CNDP1: variants seen among roughly 807,000 people sequenced by gnomAD.
CNDP1 encodes carnosine dipeptidase 1.
CNDP1 carries 44 observed loss-of-function variants against 58.1 expected under a neutral mutation model. That is an observed-to-expected ratio of 0.76 (90% CI 0.60 to 0.97). The LOEUF (loss-of-function observed/expected upper bound fraction) is 0.97. CNDP1 is among the 50% of genes least tolerant of loss of function. The pLI is 0.00. For missense variants in CNDP1, 616 were observed against 655.1 expected, an observed-to-expected ratio of 0.94 and a Z score of 0.65; for synonymous variants, 254 against 252.6, an observed-to-expected ratio of 1.01 and a Z score of -0.05.
Position 74,579,489 on chromosome 18 carries a change from C to T in CNDP1, c.1168-641C>T, listed in dbSNP as rs1599103275. Among the ~76,000 whole-genome samples the T allele has an allele frequency of 2.0e-5, 3 of 151,922 alleles. No homozygotes were observed. In the South Asian group the frequency reaches 6.2e-4, roughly 32 times the overall value. ...TCCTTGTCTTGTTCACAGCTGTATC[C>T]GCAGCACCTAGAACAGTCTCTGGGA... On this transcript the variant is annotated intron_variant, in intron 9 of 11. Coordinates refer to ENST00000358821, the MANE Select transcript of CNDP1 (RefSeq NM_032649.6).
At chr18:74,567,948 G>A (rs1335937863) in intron 6 of CNDP1, among the ~76,000 whole-genome samples, 1 of 152,154 alleles carries the variant, frequency 6.6e-6, no homozygotes, top group African/African-American at 2.4e-5. Flanking sequence ...TTCACCTTGA[G>A]CCTTGGTTTC....
chr18:74,538,429 ATTTG>A (rs1442067512), intron 1 of CNDP1, among the ~76,000 whole-genome samples: 1 of 152,140 alleles, frequency 6.6e-6, no homozygotes, highest in Admixed American at 6.5e-5. Flanking sequence ...GTATTTATCC[ATTTG>A]TTTGTTGGTG....
chr18:74,552,448 A>C (rs1310943318), intron 1 of CNDP1, among the ~76,000 whole-genome samples: 1 of 152,106 alleles, frequency 6.6e-6, no homozygotes, highest in Admixed American at 6.5e-5. Flanking sequence ...CTGGGTAACC[A>C]CCAATCTACT....
chr18:74,556,239 CTG>C, intron 1 of CNDP1, 97 bp from the exon 2 acceptor site: 1 of 1,314,278 alleles, frequency 7.6e-7, no homozygotes, highest in African/African-American at 1.5e-5. Flanking sequence ...CTGGAGGCAG[CTG>C]TGTGAGGTAA....
intron 7 of CNDP1, among the ~76,000 whole-genome samples, chr18:74,574,350 G>A (rs1253887337): frequency 6.6e-6 from 1 of 152,208 alleles, no homozygotes; most frequent in Non-Finnish European, 1.5e-5. Context: ...CTGCTAAGAG[G>A]ATACTTGTGT....
chr18:74,535,738 A>AT (rs1980471558), intron 1 of CNDP1, among the ~76,000 whole-genome samples: 1 of 152,052 alleles, frequency 6.6e-6, no homozygotes. Context: ...CATGAAAGAA[A>AT]ATAATTTCCC....
chr18:74,572,703 G>T (rs1037419187), intron 7 of CNDP1, among the ~76,000 whole-genome samples: 2 of 149,928 alleles, frequency 1.3e-5, no homozygotes, highest in Admixed American at 6.7e-5. Context: ...CAGGAGGGTC[G>T]CTTGAGCCCG....
chr18:74,562,457 G>A (rs941740209), intron 5 of CNDP1, among the ~76,000 whole-genome samples: 3 of 152,182 alleles, frequency 2.0e-5, no homozygotes, highest in African/African-American at 7.2e-5. Flanking sequence ...TATCTGATGG[G>A]ACTGGTCTTT....
At chr18:74,557,495 G>A (rs1438166460) in intron 2 of CNDP1, among the ~76,000 whole-genome samples, 1 of 152,084 alleles carries the variant, frequency 6.6e-6, no homozygotes, top group Non-Finnish European at 1.5e-5. Flanking sequence ...AGGAGGCATG[G>A]GAGAGCAGGA....
chr18:74,575,111 A>AGAAAAAAGAAG (rs1327090979), intron 7 of CNDP1, among the ~76,000 whole-genome samples: 3 of 151,910 alleles, frequency 2.0e-5, no homozygotes, highest in Non-Finnish European at 4.4e-5. Flanking sequence ...AAAGAAGGAA[A>AGAAAAAAGAAG]GAAAGGAAGG....
rs1568300213 is a variant in CNDP1, at chr18:74,577,030, G to A, written c.1002+1G>A. 6.2e-7 allele frequency: 1 copy of A among 1,609,170 alleles called. No homozygotes were observed. The highest frequency in any genetic ancestry group is 2.2e-5 in the East Asian group (1 of 44,824). The stretch of plus-strand genomic sequence containing the variant: ...TGAGAAATTTCTGTTCGATACTAAG[G>A]TATGGCCACAGACTGATGGATAAGC... On this transcript the variant is annotated splice_donor_variant, in intron 8 of 11. Transcript: ENST00000358821. LOFTEE classifies it high-confidence loss of function.
intron 1 of CNDP1, among the ~76,000 whole-genome samples, chr18:74,547,212 A>C (rs773157521): frequency 6.6e-6 from 1 of 152,248 alleles, no homozygotes; most frequent in Non-Finnish European, 1.5e-5. Context: ...CTGTGTTATA[A>C]CAAATTCATC....
In CNDP1 at chr18:74,559,022, C is replaced by A. The variant is rs1018711205; in HGVS notation, c.154-301C>A. Among the ~76,000 whole-genome samples the A allele has an allele frequency of 3.9e-5, 6 of 152,076 alleles. 1 individual carries two copies. The highest frequency in any genetic ancestry group is 1.4e-4 in the African/African-American group (6 of 41,392). On this transcript the variant is annotated intron_variant, in intron 2 of 11. Transcript: ENST00000358821. ...TTAGAAACAGTGGGTGGGGACTTGC[C>A]CTCCTGTACAGCCCTGGTGAACGCA...
chr18:74,546,750 T>C (rs1326521699), intron 1 of CNDP1, among the ~76,000 whole-genome samples: 1 of 152,204 alleles, frequency 6.6e-6, no homozygotes, highest in Non-Finnish European at 1.5e-5. Context: ...TCTGACTTCT[T>C]GCAGCTCTGC....
At chr18:74,573,816 C>G (rs1981560032) in intron 7 of CNDP1, among the ~76,000 whole-genome samples, 1 of 152,260 alleles carries the variant, frequency 6.6e-6, no homozygotes, top group African/African-American at 2.4e-5. Flanking sequence ...AGGCACATTG[C>G]TCTGCTAAGG....
intron 2 of CNDP1, among the ~76,000 whole-genome samples, chr18:74,556,966 A>G (rs1243780776): frequency 6.6e-6 from 1 of 152,190 alleles, no homozygotes; most frequent in Non-Finnish European, 1.5e-5. Flanking sequence ...CCCAGGCTTG[A>G]GTGCAGTGGT....
chr18:74,579,193 CCCTTCCCTTG>C (rs372841750), intron 9 of CNDP1, among the ~76,000 whole-genome samples: 4,091 of 77,834 alleles, frequency 0.053, 79 homozygotes, highest in African/African-American at 0.075. Context: ...CCCTTTCCTT[CCCTTCCCTTG>C]CCTTCCCTTC....
chr18:74,539,622 C>T (rs1197356340), intron 1 of CNDP1, among the ~76,000 whole-genome samples: 1 of 152,218 alleles, frequency 6.6e-6, no homozygotes, highest in African/African-American at 2.4e-5. Flanking sequence ...ACCACCTGCT[C>T]CTGAGCAGCA....
chr18:74,534,894 GT>G (rs1399906828), intron 1 of CNDP1, among the ~76,000 whole-genome samples: 1 of 152,204 alleles, frequency 6.6e-6, no homozygotes, highest in Non-Finnish European at 1.5e-5. Flanking sequence ...CTTTTGGGTA[GT>G]TGTGTGTTCT....
Sources: allele counts gnomAD v4.1 joint callset (sites outside exome capture counted in the v4.1 genomes callset), GRCh38; gene constraint gnomAD v4.1.1; transcripts MANE v1.5; gene names NCBI Gene and HGNC (gene_info 2026-07-23, HGNC 2026-07-21).